The following RBFOX3 variants were observed in gnomAD, a reference collection of about 807,000 sequenced individuals.
RBFOX3 encodes RNA binding fox-1 homolog 3, also known as RNA binding protein fox-1 homolog 3.
In RBFOX3, 17 loss-of-function variants were observed where a neutral mutation model predicts 48.7. That is an observed-to-expected ratio of 0.35 (90% CI 0.24 to 0.52). The LOEUF (loss-of-function observed/expected upper bound fraction) is 0.52. Ranked by LOEUF, RBFOX3 falls within the 20% of genes least tolerant of loss-of-function variation. RBFOX3 has a pLI of 0.94. For synonymous variants in RBFOX3, 212 were observed against 209.5 expected, an observed-to-expected ratio of 1.01 and a Z score of -0.10; for missense variants, 382 against 497.5, an observed-to-expected ratio of 0.77 and a Z score of 2.21.
At position 79,097,179 on chromosome 17, in the gene RBFOX3, C is replaced by CT; in HGVS notation, c.755+112_755+113insA. On this transcript the variant is annotated intron_variant, in intron 11 of 14. Transcript: ENST00000693108. ...TCTGGGGCTCCCACGATCCTCCCCC[C>CT]CCCCAGGTCTGGAAAGGCTGCCTAG... 5 of 892,236 alleles carry CT rather than the reference C, an allele frequency of 5.6e-6. 1 individual carries two copies. Among genetic ancestry groups the CT allele is most frequent in the Middle Eastern group, 7.1e-4 (2 of 2,804 alleles). The allele number at this position is 892,236 out of a possible 1,614,324, so 55.3% of individuals were successfully genotyped here.
rs150243804 is a variant in RBFOX3, at chr17:79,440,583, C to T, written c.-175+41871G>A. ...CCCTCTTCAGATTTTCCTCATTGGC[C>T]GTCCCCACTGGACTTCATTTTTAGC... is the stretch of plus-strand genomic sequence containing the variant. On this transcript the variant is annotated intron_variant, in intron 2 of 14. Transcript: ENST00000693108. 3.1e-3 allele frequency among the ~76,000 whole-genome samples: 472 copies of T among 152,280 alleles called. 2 individuals carry two copies. The highest frequency in any genetic ancestry group is 5.7e-3 in the Non-Finnish European group (387 of 68,026).
intron 1 of RBFOX3, among the ~76,000 whole-genome samples, chr17:79,576,832 A>G (rs1013801676): frequency 2.6e-5 from 4 of 152,194 alleles, no homozygotes; most frequent in African/African-American, 9.6e-5. Flanking sequence ...ATGGGTAGAG[A>G]CAGCCTACTG....
At chr17:79,296,223 A>G (rs1049401431) in intron 3 of RBFOX3, among the ~76,000 whole-genome samples, 5 of 152,192 alleles carry the variant, frequency 3.3e-5, no homozygotes, top group Non-Finnish European at 7.3e-5. Context: ...TTTTTAAAAA[A>G]TGGCCTGCCA....
At position 79,431,988 on chromosome 17, in the gene RBFOX3, C is replaced by T. The variant is rs572058845; in HGVS notation, c.-175+50466G>A. Among the ~76,000 whole-genome samples, 24 of 152,202 alleles carry T rather than the reference C, an allele frequency of 1.6e-4. No individual in the cohort carries two copies. In the South Asian group the frequency reaches 1.7e-3, roughly 11 times the overall value. On this transcript the variant is annotated intron_variant, in intron 2 of 14. Transcript: ENST00000693108. ...TCTCTCAGGCCCTGGTAAACACCGA[C>T]GTAATTTCTGTCTCTATGAATGTAA...
intron 2 of RBFOX3, among the ~76,000 whole-genome samples, chr17:79,376,023 G>A (rs2059181988): frequency 6.6e-6 from 1 of 152,232 alleles, no homozygotes. Flanking sequence ...AGCACACAGT[G>A]AAAGCACAAT....
chr17:79,257,980 CCTT>C (rs1313817517), intron 3 of RBFOX3, among the ~76,000 whole-genome samples: 1 of 152,104 alleles, frequency 6.6e-6, no homozygotes, highest in African/African-American at 2.4e-5. Context: ...GGTCTCAAAT[CCTT>C]CTTCTCTCTC....
At chr17:79,419,306 G>C (rs559589025) in intron 2 of RBFOX3, among the ~76,000 whole-genome samples, 1 of 152,288 alleles carries the variant, frequency 6.6e-6, no homozygotes, top group South Asian at 2.1e-4. Context: ...GCTCTCCTGT[G>C]CCAACCTTTC....
chr17:79,117,812 C>G (rs1439916884), intron 4 of RBFOX3, among the ~76,000 whole-genome samples: 1 of 152,242 alleles, frequency 6.6e-6, no homozygotes, highest in East Asian at 1.9e-4. Flanking sequence ...GCCCCTGCTC[C>G]CTGCTGGTGG....
chr17:79,366,778 G>C (rs533310682), intron 2 of RBFOX3, among the ~76,000 whole-genome samples: 5 of 152,328 alleles, frequency 3.3e-5, no homozygotes, highest in Middle Eastern at 6.8e-3. Context: ...CCAGCAGGAC[G>C]ACCCTTGTCC....
chr17:79,456,523 T>C (rs77296407), intron 2 of RBFOX3, among the ~76,000 whole-genome samples: 7,378 of 152,190 alleles, frequency 0.048, 593 homozygotes, highest in African/African-American at 0.17. Context: ...CACCCAGGCT[T>C]TGCGCTGGGT....
chr17:79,636,116 ATGC>A, the RBFOX3 span, among the ~76,000 whole-genome samples: 1 of 152,000 alleles, frequency 6.6e-6, no homozygotes, highest in African/African-American at 2.4e-5. Context: ...CAATGCATAA[ATGC>A]AACAGAAGCA....
intron 2 of RBFOX3, among the ~76,000 whole-genome samples, chr17:79,411,109 T>C (rs991665456): frequency 7.2e-5 from 11 of 152,194 alleles, no homozygotes; most frequent in Non-Finnish European, 1.5e-4. Flanking sequence ...CTTGAGCACA[T>C]TTTTTTCGTG....
At chr17:79,308,884 C>T (rs559385236) in intron 2 of RBFOX3, among the ~76,000 whole-genome samples, 9 of 152,110 alleles carry the variant, frequency 5.9e-5, no homozygotes, top group South Asian at 4.2e-4. Flanking sequence ...TTTGGGAAGC[C>T]GAGGCGGGGG....
chr17:79,571,756 T>C (rs36173092), intron 1 of RBFOX3, among the ~76,000 whole-genome samples: 99,944 of 151,970 alleles, frequency 0.66, 33,085 homozygotes, highest in East Asian at 0.8. Context: ...GTGAACTTGC[T>C]GCAGGGGGTC....
At chr17:79,097,666 C>CCA in intron 10 of RBFOX3, 26 bp downstream of exon 10, 10 of 1,503,318 alleles carry the variant, frequency 6.7e-6, no homozygotes, top group Admixed American at 2.0e-5. Flanking sequence ...GGTCTCATCC[C>CCA]ATCCCCGCCC....
chr17:79,587,538 A>G, intron 1 of RBFOX3, among the ~76,000 whole-genome samples: 1 of 152,312 alleles, frequency 6.6e-6, no homozygotes, highest in East Asian at 1.9e-4. Flanking sequence ...GTGAGAATAA[A>G]CAGGGAACAC....
At chr17:79,626,606 C>T in the RBFOX3 span, among the ~76,000 whole-genome samples, 15 of 152,242 alleles carry the variant, frequency 9.9e-5, no homozygotes, top group African/African-American at 3.1e-4. Flanking sequence ...ATAAAGACCA[C>T]GCCTCCCGGG....
chr17:79,526,500 G>A lies in RBFOX3; in HGVS notation c.-319-43902C>T, dbSNP rs1325521251. The stretch of plus-strand genomic sequence containing the variant: ...AACAGCGAGGTCAGGACAGTGGCCT[G>A]AATGCCCCGAGTGGTCCCCGGACGC... On this transcript the variant is annotated intron_variant, in intron 1 of 14. Coordinates refer to ENST00000693108, the MANE Select transcript of RBFOX3 (RefSeq NM_001350451.2). Among the ~76,000 whole-genome samples the A allele has an allele frequency of 2.6e-5, 4 of 152,368 alleles. No homozygotes were observed. In the East Asian group the frequency reaches 7.7e-4, roughly 29 times the overall value.
intron 2 of RBFOX3, among the ~76,000 whole-genome samples, chr17:79,356,210 G>A (rs2084949513): frequency 6.6e-6 from 1 of 152,092 alleles, no homozygotes; most frequent in Non-Finnish European, 1.5e-5. Flanking sequence ...GGAGAGGCAT[G>A]TTCTCCCAGG....
Sources: allele counts gnomAD v4.1 joint callset (sites outside exome capture counted in the v4.1 genomes callset), GRCh38; gene constraint gnomAD v4.1.1; transcripts MANE v1.5; gene names NCBI Gene and HGNC (gene_info 2026-07-23, HGNC 2026-07-21).